The following PPFIA2 variants were observed in gnomAD, a reference collection of about 807,000 sequenced individuals.
PPFIA2 encodes the protein PPFI scaffold protein A2.
PPFIA2 carries 46 observed loss-of-function variants against 175.5 expected under a neutral mutation model. That is an observed-to-expected ratio of 0.26 (90% CI 0.21 to 0.34). The LOEUF (loss-of-function observed/expected upper bound fraction) is 0.34. Among genes scored for constraint, PPFIA2 ranks in the 10% least tolerant of loss-of-function variants. The probability of loss-of-function intolerance (pLI) is 1.00; values close to 1 mark genes in which losing one functional copy is unlikely to be tolerated. For synonymous variants in PPFIA2, 568 were observed against 511.4 expected, an observed-to-expected ratio of 1.11 and a Z score of -1.49; for missense variants, 1,179 against 1,506.1, an observed-to-expected ratio of 0.78 and a Z score of 3.60.
In PPFIA2 at chr12:81,259,679, AG is replaced by A; in HGVS notation, c.*34-20del. Reference sequence around the variant, plus strand: ...ACGCCATCTAAAATATACAATGGATAGCATTAGTTCACTGAAAAGTCCCAGA... The same window carrying A: ...ACGCCATCTAAAATATACAATGGATACATTAGTTCACTGAAAAGTCCCAGA... On this transcript the variant is annotated intron_variant, in intron 32 of 32. Coordinates refer to ENST00000549396, the MANE Select transcript of PPFIA2 (RefSeq NM_003625.5). 2 of 1,533,306 alleles carry A rather than the reference AG, an allele frequency of 1.3e-6. No homozygotes were observed. Among genetic ancestry groups the A allele is most frequent in the Non-Finnish European group, 1.7e-6 (2 of 1,144,624 alleles). The allele number at this position is 1,533,306 out of a possible 1,614,324, so 95.0% of individuals were successfully genotyped here.
At chr12:81,633,633 A>G (rs1167877100) in intron 4 of PPFIA2, among the ~76,000 whole-genome samples, 14 of 152,058 alleles carry the variant, frequency 9.2e-5, no homozygotes, top group Admixed American at 9.2e-4. Context: ...AGTTAGATAT[A>G]GGAATAGAAC....
At chr12:81,568,625 C>T (rs1343833128) in intron 4 of PPFIA2, among the ~76,000 whole-genome samples, 2 of 152,150 alleles carry the variant, frequency 1.3e-5, no homozygotes, top group Non-Finnish European at 2.9e-5. Context: ...ATAAGTCTTT[C>T]CATCCTACAG....
intron 4 of PPFIA2, among the ~76,000 whole-genome samples, chr12:81,499,389 A>C (rs1292868871): frequency 6.6e-6 from 1 of 152,102 alleles, no homozygotes; most frequent in Non-Finnish European, 1.5e-5. Context: ...TTTACCCTAC[A>C]TCTGAGCAGG....
At chr12:81,322,063 C>T (rs2053771507) in intron 22 of PPFIA2, among the ~76,000 whole-genome samples, 1 of 152,070 alleles carries the variant, frequency 6.6e-6, no homozygotes, top group African/African-American at 2.4e-5. Flanking sequence ...TCTCAAATGC[C>T]TAGGCTTGAG....
At chr12:81,581,542 G>A (rs2074403517) in intron 4 of PPFIA2, among the ~76,000 whole-genome samples, 2 of 151,544 alleles carry the variant, frequency 1.3e-5, no homozygotes, top group African/African-American at 4.8e-5. Context: ...CACTTCCTAT[G>A]TTCCCTATTT....
chr12:81,514,863 T>C (rs1218675478), intron 4 of PPFIA2, among the ~76,000 whole-genome samples: 2 of 151,944 alleles, frequency 1.3e-5, no homozygotes, highest in African/African-American at 2.4e-5. Flanking sequence ...TATTATTCTA[T>C]GACATTTTAT....
intron 7 of PPFIA2, among the ~76,000 whole-genome samples, chr12:81,406,607 T>C (rs1421899071): frequency 6.6e-6 from 1 of 152,100 alleles, no homozygotes; most frequent in Non-Finnish European, 1.5e-5. Context: ...GTGATCCTAG[T>C]AATAGAGTGA....
At chr12:81,456,220 A>T (rs1292218702) in intron 5 of PPFIA2, among the ~76,000 whole-genome samples, 2 of 152,210 alleles carry the variant, frequency 1.3e-5, no homozygotes, top group African/African-American at 4.8e-5. Context: ...GTGTTAAGTT[A>T]AAAAAGTCAA....
At position 81,302,114 on chromosome 12, in the gene PPFIA2, GCTT is replaced by G. The variant is rs1298639612; in HGVS notation, c.2643-2735_2643-2733del. 7.5e-5 allele frequency: 26 copies of G among 347,998 alleles called. No individual in the cohort carries two copies. The Admixed American group carries it at 8.9e-4, about 12-fold the overall frequency. 21.6% of individuals were successfully genotyped at this position (347,998 alleles called of 1,614,324 possible). A position where few individuals can be genotyped will look rare whatever the true frequency, so the allele number is the denominator to read the frequency against. ...TGCCAATCAGTGTTTATATTTAGGT[GCTT>G]CTTGTTTCAGTAAATTGTGTCCTAT... On this transcript the variant is annotated intron_variant, in intron 22 of 32. Transcript: ENST00000549396.
chr12:81,311,902 A>G, intron 22 of PPFIA2: 1 of 506,098 alleles, frequency 2.0e-6, no homozygotes, highest in Non-Finnish European at 3.5e-6. Context: ...AGGAGTCTAG[A>G]ATGTCTTTTG....
chr12:81,696,857 G>A (rs973218519), intron 3 of PPFIA2, among the ~76,000 whole-genome samples: 1 of 151,610 alleles, frequency 6.6e-6, no homozygotes, highest in Non-Finnish European at 1.5e-5. Flanking sequence ...ATGATCCCCC[G>A]CTACTAGATG....
At chr12:81,651,524 T>C (rs918557148) in intron 4 of PPFIA2, among the ~76,000 whole-genome samples, 5 of 152,070 alleles carry the variant, frequency 3.3e-5, no homozygotes, top group Admixed American at 3.3e-4. Context: ...CTACTCTCTC[T>C]TTCCCTCTAC....
rs111727461 is a variant in PPFIA2, at chr12:81,337,545, C to T, written c.2548+1635G>A. ...AGACTTTAACTTATATCTTGCATAC[C>T]TTGATTTTGACAGAATATTGTTGGC... On this transcript the variant is annotated intron_variant, in intron 21 of 32. Transcript: ENST00000549396. Among the ~76,000 whole-genome samples the T allele has an allele frequency of 3.3e-5, 5 of 152,088 alleles. 1 individual carries two copies. The highest frequency in any genetic ancestry group is 1.2e-4 in the African/African-American group (5 of 41,506).
At chr12:81,318,397 T>C (rs2052896665) in intron 22 of PPFIA2, among the ~76,000 whole-genome samples, 1 of 151,680 alleles carries the variant, frequency 6.6e-6, no homozygotes, top group Non-Finnish European at 1.5e-5. Flanking sequence ...TTGTAGAAAG[T>C]TTTTTCTTAG....
chr12:81,367,053 G>T, intron 14 of PPFIA2, 55 bp downstream of exon 14: 4 of 1,405,912 alleles, frequency 2.8e-6, no homozygotes, highest in African/African-American at 1.5e-5. Context: ...ACATTCATCA[G>T]TGGAATAGAA....
At chr12:81,683,542 C>T (rs2153578798) in intron 3 of PPFIA2, among the ~76,000 whole-genome samples, 1 of 152,126 alleles carries the variant, frequency 6.6e-6, no homozygotes, top group African/African-American at 2.4e-5. Context: ...TATGCTCTGC[C>T]ATGCCCTGTA....
chr12:81,426,188 C>T (rs2047108082), intron 7 of PPFIA2, among the ~76,000 whole-genome samples: 1 of 152,154 alleles, frequency 6.6e-6, no homozygotes, highest in Non-Finnish European at 1.5e-5. Context: ...TTGATTGAAA[C>T]TTCAAAGATT....
intron 3 of PPFIA2, among the ~76,000 whole-genome samples, chr12:81,693,199 T>C (rs1284503646): frequency 6.6e-6 from 1 of 152,102 alleles, no homozygotes; most frequent in Non-Finnish European, 1.5e-5. Context: ...TATGATATAG[T>C]CTTATATATC....
chr12:81,683,838 T>C (rs559520124), intron 3 of PPFIA2, among the ~76,000 whole-genome samples: 115 of 152,156 alleles, frequency 7.6e-4, no homozygotes, highest in African/African-American at 2.7e-3. Flanking sequence ...AAGTTCAAGA[T>C]TGGACTTCTG....
Sources: allele counts gnomAD v4.1 joint callset (sites outside exome capture counted in the v4.1 genomes callset), GRCh38; gene constraint gnomAD v4.1.1; transcripts MANE v1.5; gene names NCBI Gene and HGNC (gene_info 2026-07-23, HGNC 2026-07-21).